NFKB1: variants seen among roughly 807,000 people sequenced by gnomAD.
NFKB1 encodes nuclear factor NF-kappa-B p105 subunit.
In NFKB1, 9 loss-of-function variants were observed where a neutral mutation model predicts 105.1. The observed-to-expected ratio is 0.09, with a 90% confidence interval of 0.05 to 0.15. The LOEUF (loss-of-function observed/expected upper bound fraction) is 0.15, where lower values mean the gene tolerates loss of function less well. Ranked by LOEUF, NFKB1 falls within the 10% of genes least tolerant of loss-of-function variation. The pLI is 1.00. For missense variants in NFKB1, 830 were observed against 1,203.7 expected (o/e 0.69, Z 4.59); for synonymous variants, 440 against 442.2 (o/e 1.00, Z 0.06).
At chr4:102,571,603 C>G (rs893178869) in intron 6 of NFKB1, among the ~76,000 whole-genome samples, 3 of 152,152 alleles carry the variant, frequency 2.0e-5, no homozygotes, top group Non-Finnish European at 2.9e-5. Flanking sequence ...GGGCTAATAT[C>G]CAGAATCTAT....
chr4:102,531,394 T>G (rs1321646976), intron 3 of NFKB1, among the ~76,000 whole-genome samples: 6 of 152,216 alleles, frequency 3.9e-5, no homozygotes, highest in Admixed American at 3.9e-4. Context: ...AGTGTCATAG[T>G]ACAATTTTTA....
intron 1 of NFKB1, among the ~76,000 whole-genome samples, chr4:102,506,952 AGGT>A (rs1739454259): frequency 6.7e-6 from 1 of 150,308 alleles, no homozygotes; most frequent in Non-Finnish European, 1.5e-5. Flanking sequence ...ACAACAAAAA[AGGT>A]TATATATATA....
At chr4:102,508,344 A>G (rs4647966) in intron 1 of NFKB1, among the ~76,000 whole-genome samples, 1,757 of 152,310 alleles carry the variant, frequency 0.012, 45 homozygotes, top group African/African-American at 0.039. Flanking sequence ...GAATGATGGA[A>G]GAAGCATGTG....
At chr4:102,593,045 T>C (rs1412653004) in intron 11 of NFKB1, among the ~76,000 whole-genome samples, 3 of 152,216 alleles carry the variant, frequency 2.0e-5, no homozygotes, top group Non-Finnish European at 2.9e-5. Flanking sequence ...AGATGCATAA[T>C]AAATGTTAAC....
In NFKB1 at chr4:102,604,804, GT is replaced by G. The variant is rs1250049337; in HGVS notation, c.1753-1690del. Reference sequence around the variant, plus strand: ...ATTTCACCCAGATACATCTGCAAGAGTTGGGTTGCTGGGACATTTGTATATT... The same window carrying G: ...ATTTCACCCAGATACATCTGCAAGAGTGGGTTGCTGGGACATTTGTATATT... On this transcript the variant is annotated intron_variant, in intron 16 of 23. Transcript: ENST00000226574. 2.6e-5 allele frequency among the ~76,000 whole-genome samples: 4 copies of G among 151,984 alleles called. No homozygotes were observed. The East Asian group carries it at 7.7e-4, about 29-fold the overall frequency.
Position 102,582,848 on chromosome 4 carries a change from C to G in NFKB1, c.836-18C>G. 1 of 1,541,656 alleles carries G rather than the reference C, an allele frequency of 6.5e-7. No homozygotes were observed. The highest frequency in any genetic ancestry group is 9.0e-7 in the Non-Finnish European group (1 of 1,115,206). On this transcript the variant is annotated intron_variant, in intron 9 of 23. Transcript: ENST00000226574. ...TTACACTATGTGAAATTACACACTTCAATGTGATTGTTTGCAGATGACATC... is the reference window on the plus strand; with the variant it reads ...TTACACTATGTGAAATTACACACTTGAATGTGATTGTTTGCAGATGACATC...
intron 5 of NFKB1, among the ~76,000 whole-genome samples, chr4:102,551,374 G>GCGCGCA (rs1354565750): frequency 1.3e-5 from 2 of 150,568 alleles, no homozygotes; most frequent in Non-Finnish European, 3.0e-5. Context: ...GTGTGCGCGC[G>GCGCGCA]CGCATGTGTG....
intron 5 of NFKB1, among the ~76,000 whole-genome samples, chr4:102,548,375 C>T (rs961212702): frequency 1.3e-5 from 2 of 151,998 alleles, no homozygotes; most frequent in African/African-American, 4.8e-5. Flanking sequence ...CATGGGGAGG[C>T]GATCACCAGG....
chr4:102,550,402 C>A (rs1162804465), intron 5 of NFKB1, among the ~76,000 whole-genome samples: 1 of 152,176 alleles, frequency 6.6e-6, no homozygotes, highest in Non-Finnish European at 1.5e-5. Flanking sequence ...GGCAGAGCTA[C>A]AAAATTGATT....
chr4:102,550,725 A>T (rs73834805), intron 5 of NFKB1, among the ~76,000 whole-genome samples: 3,505 of 152,318 alleles, frequency 0.023, 65 homozygotes, highest in African/African-American at 0.059. Context: ...TTTTGACCAA[A>T]TGTATTCAAC....
At chr4:102,583,004 G>A (rs1725433872) in intron 10 of NFKB1, 47 bp downstream of exon 10, 2 of 1,334,418 alleles carry the variant, frequency 1.5e-6, no homozygotes, top group African/African-American at 1.5e-5. Context: ...TTTAGAGATG[G>A]GATCTCACTC....
intron 1 of NFKB1, among the ~76,000 whole-genome samples, chr4:102,512,787 C>G (rs924278412): frequency 1.3e-5 from 2 of 152,200 alleles, no homozygotes; most frequent in East Asian, 3.8e-4. Flanking sequence ...TCAAAGGAAC[C>G]CTTTGTCCCT....
chr4:102,597,560 G>A lies in NFKB1; in HGVS notation c.1536G>A (p.Arg512=), dbSNP rs548137186. ...FLEKAMQLAK[R]HANALFDYAV... is the part of the protein sequence containing the mutation. ...AGAAGGCTATGCAGCTTGCAAAGAG[G>A]CATGCCAATGCCCTTTTCGACTACG... The change falls in exon 15 of 24, where the codon AGG becomes AGA. Residue 512 remains arginine, a synonymous_variant. Coordinates refer to ENST00000226574, the MANE Select transcript of NFKB1 (RefSeq NM_003998.4). The A allele has an allele frequency of 2.5e-6, 4 of 1,613,572 alleles. No individual in the cohort carries two copies. The highest frequency in any genetic ancestry group is 3.3e-5 in the Admixed American group (2 of 59,976).
At chr4:102,521,572 C>T (rs1464197717) in intron 1 of NFKB1, among the ~76,000 whole-genome samples, 3 of 152,014 alleles carry the variant, frequency 2.0e-5, no homozygotes, top group Non-Finnish European at 2.9e-5. Flanking sequence ...AAAATGAAAT[C>T]CTATAGAAAG....
intron 23 of NFKB1, among the ~76,000 whole-genome samples, chr4:102,615,224 C>A (rs575096108): frequency 4.8e-4 from 73 of 152,338 alleles, no homozygotes; most frequent in Middle Eastern, 3.4e-3. Context: ...TAGCAGTGTT[C>A]GAGGTTTTAA....
chr4:102,565,134 C>T (rs1030491803), intron 5 of NFKB1, among the ~76,000 whole-genome samples: 3 of 94,768 alleles, frequency 3.2e-5, no homozygotes, highest in Non-Finnish European at 4.3e-5. Context: ...TAGCTTTATA[C>T]CCAGAGTTTT....
chr4:102,503,949 A>G (rs1264296270), intron 1 of NFKB1, among the ~76,000 whole-genome samples: 1 of 152,180 alleles, frequency 6.6e-6, no homozygotes, highest in Non-Finnish European at 1.5e-5. Context: ...GGTAGATACG[A>G]GGTCTAGATA....
intron 19 of NFKB1, 46 bp from the exon 20 acceptor site, chr4:102,610,529 T>G: frequency 1.3e-6 from 2 of 1,590,042 alleles, no homozygotes; most frequent in South Asian, 2.3e-5. Context: ...AGTTGGAAGT[T>G]GACAAGATCT....
chr4:102,595,076 C>A, intron 13 of NFKB1, 95 bp downstream of exon 13: 1 of 713,778 alleles, frequency 1.4e-6, no homozygotes. Flanking sequence ...ACAGTATTAT[C>A]ATCTTGACAA....
Sources: gnomAD v4.1 joint callset for allele counts (sites outside exome capture counted in the v4.1 genomes callset) on GRCh38, gnomAD v4.1.1 for gene constraint, MANE v1.5 for transcripts, NCBI Gene and HGNC (gene_info 2026-07-23, HGNC 2026-07-21) for gene names.